Variants in OR2C1 observed in about 807,000 individuals in gnomAD.
OR2C1 encodes olfactory receptor 2C1.
For synonymous variants in OR2C1, 209 were observed against 167.3 expected (o/e 1.25, Z -1.92); for missense variants, 468 against 388.3 (o/e 1.21, Z -1.73).
At chr16:3,333,414 C>G in the OR2C1 span, among the ~76,000 whole-genome samples, 2 of 151,904 alleles carry the variant, frequency 1.3e-5, no homozygotes, top group African/African-American at 4.8e-5. Flanking sequence ...CGGCTCACTG[C>G]AAGCTCCGCC....
chr16:3,352,278 G>A (rs1030684055), upstream of OR2C1, among the ~76,000 whole-genome samples: 32 of 151,780 alleles, frequency 2.1e-4, no homozygotes, highest in African/African-American at 7.3e-4. Context: ...CACCACGCCC[G>A]CCTAATTTTT....
At chr16:3,345,350 A>G in the OR2C1 span, among the ~76,000 whole-genome samples, 26 of 151,358 alleles carry the variant, frequency 1.7e-4, no homozygotes, top group East Asian at 1.6e-3. Flanking sequence ...GCCGGGCGTG[A>G]TGGCGGGCAC....
At chr16:3,344,523 C>G in the OR2C1 span, among the ~76,000 whole-genome samples, 1 of 151,974 alleles carries the variant, frequency 6.6e-6, no homozygotes, top group Admixed American at 6.5e-5. Flanking sequence ...GTCAGGAGAT[C>G]GAGACCATCC....
At chr16:3,336,951 G>A in the OR2C1 span, among the ~76,000 whole-genome samples, 6 of 150,830 alleles carry the variant, frequency 4.0e-5, no homozygotes, top group South Asian at 2.1e-4. Flanking sequence ...CAGGTGATCC[G>A]CCCATCTTGG....
the OR2C1 span, among the ~76,000 whole-genome samples, chr16:3,336,209 A>G: frequency 6.6e-6 from 1 of 152,124 alleles, no homozygotes; most frequent in Non-Finnish European, 1.5e-5. Context: ...TGTTAATATG[A>G]TGCATTATGT....
the OR2C1 span, chr16:3,323,678 T>C: frequency 2.9e-6 from 2 of 686,842 alleles, no homozygotes; most frequent in Admixed American, 4.3e-5. Context: ...GGAATGTTTA[T>C]CTGGCAATTC....
At chr16:3,330,004 C>CG in the OR2C1 span, among the ~76,000 whole-genome samples, 1 of 151,948 alleles carries the variant, frequency 6.6e-6, no homozygotes, top group Non-Finnish European at 1.5e-5. Flanking sequence ...CCGCCCGCCT[C>CG]GGCCTCCCAA....
the OR2C1 span, among the ~76,000 whole-genome samples, chr16:3,327,131 A>G: frequency 6.6e-6 from 1 of 152,156 alleles, no homozygotes; most frequent in Non-Finnish European, 1.5e-5. Context: ...TTCTTATGGA[A>G]GTTATCAAAC....
chr16:3,328,740 G>A, the OR2C1 span, among the ~76,000 whole-genome samples: 1 of 152,160 alleles, frequency 6.6e-6, no homozygotes, highest in Non-Finnish European at 1.5e-5. Flanking sequence ...GTTAACTGAA[G>A]GCAGGGTCCC....
At chr16:3,339,274 G>GTTT in the OR2C1 span, among the ~76,000 whole-genome samples, 3 of 130,894 alleles carry the variant, frequency 2.3e-5, no homozygotes, top group Non-Finnish European at 4.8e-5. Context: ...ATGAACATTA[G>GTTT]TTTTTTTTTT....
At chr16:3,337,572 T>C in the OR2C1 span, among the ~76,000 whole-genome samples, 1 of 152,138 alleles carries the variant, frequency 6.6e-6, no homozygotes, top group Non-Finnish European at 1.5e-5. Flanking sequence ...ATTTCTCATT[T>C]CCAAGATTCC....
In OR2C1 at chr16:3,356,170, C is replaced by A; in HGVS notation, c.230C>A (p.Ser77Ter). The A allele has an allele frequency of 1.2e-6, 2 of 1,614,208 alleles. No homozygotes were observed. The highest frequency in any genetic ancestry group is 1.7e-6 in the Non-Finnish European group (2 of 1,180,036). The change falls in exon 1 of 1, where the codon TCA becomes TAA. Residue 77 changes from serine (S) to a stop codon, truncating the protein, a stop_gained. Transcript: ENST00000304936. LOFTEE classifies it low-confidence loss of function (END_TRUNC). ...SSLDLAFATS[S>*]VPQMLINLWG... ...TTGGACCTTGCTTTCGCTACTAGTT[C>A]AGTCCCCCAAATGCTGATCAATTTA...
At chr16:3,327,491 C>T in the OR2C1 span, among the ~76,000 whole-genome samples, 1 of 151,960 alleles carries the variant, frequency 6.6e-6, no homozygotes, top group African/African-American at 2.4e-5. Flanking sequence ...ACTTTACTGA[C>T]AACTTCTCAA....
chr16:3,333,008 G>A, the OR2C1 span, among the ~76,000 whole-genome samples: 1 of 151,802 alleles, frequency 6.6e-6, no homozygotes, highest in Non-Finnish European at 1.5e-5. Flanking sequence ...GCGTACAAGG[G>A]TTCACCTTTC....
the OR2C1 span, among the ~76,000 whole-genome samples, chr16:3,341,750 G>C: frequency 2.6e-5 from 4 of 152,158 alleles, no homozygotes; most frequent in Non-Finnish European, 1.5e-5. Flanking sequence ...CATCTTCCTG[G>C]CACATGGATG....
chr16:3,346,791 G>C, the OR2C1 span, among the ~76,000 whole-genome samples: 1 of 150,770 alleles, frequency 6.6e-6, no homozygotes, highest in Admixed American at 6.6e-5. Context: ...CACCACGCTC[G>C]ACTAATTTTT....
the OR2C1 span, among the ~76,000 whole-genome samples, chr16:3,336,687 T>TTC: frequency 7.7e-6 from 1 of 130,202 alleles, no homozygotes; most frequent in Non-Finnish European, 1.6e-5. Context: ...TTTTTTTTTT[T>TTC]CTATTTTCTT....
At chr16:3,338,612 A>T in the OR2C1 span, among the ~76,000 whole-genome samples, 13 of 136,710 alleles carry the variant, frequency 9.5e-5, no homozygotes, top group East Asian at 2.2e-3. Context: ...CTCTCGGCTC[A>T]CTGCAAGCTC....
the OR2C1 span, among the ~76,000 whole-genome samples, chr16:3,345,641 A>T: frequency 1.3e-5 from 2 of 152,170 alleles, no homozygotes; most frequent in African/African-American, 4.8e-5. Context: ...TACATATCAA[A>T]CACATCAATA....
Sources: allele counts gnomAD v4.1 joint callset (sites outside exome capture counted in the v4.1 genomes callset), GRCh38; gene constraint gnomAD v4.1.1; transcripts MANE v1.5; gene names NCBI Gene and HGNC (gene_info 2026-07-23, HGNC 2026-07-21).